GRIA1: variants seen among roughly 807,000 people sequenced by gnomAD.
GRIA1 encodes glutamate ionotropic receptor AMPA type subunit 1, also known as glutamate receptor 1.
A neutral mutation model predicts 99.2 loss-of-function variants in GRIA1; 31 were observed. That is an observed-to-expected ratio of 0.31 (90% CI 0.23 to 0.42). The LOEUF (loss-of-function observed/expected upper bound fraction) is 0.42, where lower values mean the gene tolerates loss of function less well. Ranked by LOEUF, GRIA1 falls within the 10% of genes least tolerant of loss-of-function variation. The pLI is 1.00. For synonymous variants in GRIA1, 438 were observed against 432.4 expected (o/e 1.01, Z -0.16); for missense variants, 782 against 1,157.5 (o/e 0.68, Z 4.71).
chr5:153,563,005 G>A (rs897938998), intron 2 of GRIA1, among the ~76,000 whole-genome samples: 2 of 151,636 alleles, frequency 1.3e-5, no homozygotes, highest in African/African-American at 2.4e-5. Context: ...GTGAAACCCC[G>A]TCTCTACTAA....
chr5:153,754,823 A>T (rs371188163), intron 11 of GRIA1, among the ~76,000 whole-genome samples: 6 of 152,304 alleles, frequency 3.9e-5, no homozygotes, highest in African/African-American at 1.4e-4. Flanking sequence ...TGGAGATACA[A>T]TGCTACACCA....
chr5:153,600,317 A>G (rs1054817705), intron 2 of GRIA1, among the ~76,000 whole-genome samples: 29 of 139,878 alleles, frequency 2.1e-4, no homozygotes, highest in East Asian at 4.6e-4. Flanking sequence ...GCGTGAACCC[A>G]GGAGGCGGAG....
At chr5:153,491,056 G>A (rs1753868665) in intron 1 of GRIA1, 86 bp downstream of exon 1, 2 of 1,275,122 alleles carry the variant, frequency 1.6e-6, no homozygotes, top group Non-Finnish European at 2.3e-6. Context: ...CCCCTCCCCG[G>A]TACTGACTGT....
intron 2 of GRIA1, among the ~76,000 whole-genome samples, chr5:153,588,732 T>G (rs1215045075): frequency 1.3e-5 from 2 of 152,154 alleles, no homozygotes; most frequent in Non-Finnish European, 2.9e-5. Context: ...TAAATAATAG[T>G]CTATTAGACT....
At chr5:153,632,268 A>G (rs1427500977) in intron 2 of GRIA1, among the ~76,000 whole-genome samples, 1 of 152,248 alleles carries the variant, frequency 6.6e-6, no homozygotes, top group Non-Finnish European at 1.5e-5. Context: ...GCCCTAGGCC[A>G]GGGTGAGAAT....
At chr5:153,777,354 A>G (rs959501215) in intron 13 of GRIA1, among the ~76,000 whole-genome samples, 1 of 152,148 alleles carries the variant, frequency 6.6e-6, no homozygotes, top group Non-Finnish European at 1.5e-5. Flanking sequence ...ATGGTTCACA[A>G]CCCGAATTCC....
intron 2 of GRIA1, among the ~76,000 whole-genome samples, chr5:153,614,210 AT>A (rs1297251919): frequency 6.6e-6 from 1 of 152,100 alleles, no homozygotes; most frequent in Non-Finnish European, 1.5e-5. Flanking sequence ...GTAATTTTGT[AT>A]TTACTTGGGT....
rs193042826 is a variant in GRIA1 at position 153,688,419 on chromosome 5, G to T, written c.1134+2090G>T. Among the ~76,000 whole-genome samples, 13 of 152,280 alleles carry T rather than the reference G, an allele frequency of 8.5e-5. No individual in the cohort carries two copies. The South Asian group carries it at 2.1e-3, about 24-fold the overall frequency. ...GTCCCATGGTCTTCTGATTTTTGCT[G>T]CTGGAGAAGACATTTGCTAGGTCAC... On this transcript the variant is annotated intron_variant, in intron 8 of 15. Transcript: ENST00000285900.
chr5:153,668,193 C>T (rs1561747413), intron 5 of GRIA1, among the ~76,000 whole-genome samples: 2 of 151,446 alleles, frequency 1.3e-5, no homozygotes, highest in Non-Finnish European at 2.9e-5. Context: ...TATTCTCAAC[C>T]AATCCTCTAA....
At chr5:153,737,730 TACA>T (rs1191132141) in intron 11 of GRIA1, among the ~76,000 whole-genome samples, 4 of 152,340 alleles carry the variant, frequency 2.6e-5, no homozygotes, top group Admixed American at 1.3e-4. Context: ...ATTTGATTCT[TACA>T]ACAACTATGA....
At chr5:153,491,485 C>T (rs903338339) in intron 1 of GRIA1, among the ~76,000 whole-genome samples, 5 of 151,998 alleles carry the variant, frequency 3.3e-5, no homozygotes, top group Non-Finnish European at 7.4e-5. Flanking sequence ...TATATTGCAG[C>T]CACTGAAATA....
At chr5:153,641,816 C>G (rs143480401) in intron 2 of GRIA1, among the ~76,000 whole-genome samples, 1 of 152,202 alleles carries the variant, frequency 6.6e-6, no homozygotes, top group Non-Finnish European at 1.5e-5. Flanking sequence ...GGTGTCCCTG[C>G]CTGCTGAACT....
intron 2 of GRIA1, among the ~76,000 whole-genome samples, chr5:153,646,273 T>C (rs1338796048): frequency 1.5e-5 from 2 of 133,686 alleles, no homozygotes; most frequent in African/African-American, 5.7e-5. Context: ...AGCAGACAAA[T>C]GAACACTGAG....
rs1479288193 is a variant in GRIA1 at position 153,492,077 on chromosome 5, C to T, written c.82+1107C>T. 8 of 1,333,530 alleles carry T rather than the reference C, an allele frequency of 6.0e-6. No homozygotes were observed. In the Admixed American group the frequency reaches 2.3e-4, roughly 38 times the overall value. 82.6% of individuals were successfully genotyped at this position (1,333,530 alleles called of 1,614,324 possible). A position where few individuals can be genotyped will look rare whatever the true frequency, so the allele number is the denominator to read the frequency against. ...CATCTTCGTTGGTTTGGTTTCTAGT[C>T]TCTCTCCCCTGGTAGGGAGATAGCT... On this transcript the variant is annotated intron_variant, in intron 1 of 15. Coordinates refer to ENST00000285900, the MANE Select transcript of GRIA1 (RefSeq NM_000827.4).
chr5:153,778,370 C>T (rs1027594397), intron 13 of GRIA1, among the ~76,000 whole-genome samples: 6 of 151,926 alleles, frequency 3.9e-5, no homozygotes, highest in Non-Finnish European at 7.4e-5. Flanking sequence ...GAGTGGCAAG[C>T]GCTTTATTTA....
intron 2 of GRIA1, among the ~76,000 whole-genome samples, chr5:153,530,104 C>T (rs1757957823): frequency 6.6e-6 from 1 of 152,152 alleles, no homozygotes. Flanking sequence ...TGCGGATGGT[C>T]TCATGTGTTC....
At chr5:153,520,576 T>C (rs1757045297) in intron 2 of GRIA1, among the ~76,000 whole-genome samples, 1 of 151,868 alleles carries the variant, frequency 6.6e-6, no homozygotes, top group Admixed American at 6.6e-5. Context: ...GATATGGAAG[T>C]GAGTAGGGAA....
intron 14 of GRIA1, among the ~76,000 whole-genome samples, chr5:153,801,059 C>G (rs1449225257): frequency 6.6e-6 from 1 of 152,222 alleles, no homozygotes; most frequent in Non-Finnish European, 1.5e-5. Context: ...TTAGAGCTGC[C>G]ATGACATCTA....
intron 2 of GRIA1, among the ~76,000 whole-genome samples, chr5:153,614,432 T>C (rs181773242): frequency 2.6e-4 from 39 of 152,336 alleles, no homozygotes; most frequent in Non-Finnish European, 3.7e-4. Flanking sequence ...TTTTTATATG[T>C]ATTTACTCAT....
Sources: gnomAD v4.1 joint callset for allele counts (sites outside exome capture counted in the v4.1 genomes callset) on GRCh38, gnomAD v4.1.1 for gene constraint, MANE v1.5 for transcripts, NCBI Gene and HGNC (gene_info 2026-07-23, HGNC 2026-07-21) for gene names.